Variants in APIP observed in about 807,000 individuals in gnomAD.
APIP encodes methylthioribulose-1-phosphate dehydratase.
In APIP, 32 loss-of-function variants were observed where a neutral mutation model predicts 32.0. The observed-to-expected ratio is 1.00, with a 90% confidence interval of 0.76 to 1.34. The LOEUF (loss-of-function observed/expected upper bound fraction) is 1.34. Ranked by LOEUF, APIP falls within the 40% of genes most tolerant of loss-of-function variation. The pLI is 0.00. For synonymous variants in APIP, 92 were observed against 94.8 expected (o/e 0.97, Z 0.17); for missense variants, 247 against 298.6 (o/e 0.83, Z 1.27).
At chr11:34,884,574 A>C (rs1457142043) in intron 5 of APIP, among the ~76,000 whole-genome samples, 2 of 152,078 alleles carry the variant, frequency 1.3e-5, no homozygotes, top group African/African-American at 2.4e-5. Flanking sequence ...AAAATACAAA[A>C]ATCAGCCAGG....
intron 1 of APIP, among the ~76,000 whole-genome samples, chr11:34,895,764 A>AG (rs1414912465): frequency 2.5e-4 from 38 of 152,182 alleles, no homozygotes; most frequent in Non-Finnish European, 2.2e-4. Flanking sequence ...AGACAGATAA[A>AG]TATCAAGTGT....
At chr11:34,898,667 C>G (rs1254764124) in intron 1 of APIP, among the ~76,000 whole-genome samples, 1 of 151,916 alleles carries the variant, frequency 6.6e-6, no homozygotes, top group East Asian at 1.9e-4. Flanking sequence ...TTTCCTCCCC[C>G]TCCTCCCCGC....
chr11:34,903,962 T>C (rs1428569136), intron 1 of APIP, among the ~76,000 whole-genome samples: 1 of 152,170 alleles, frequency 6.6e-6, no homozygotes, highest in Admixed American at 6.5e-5. Flanking sequence ...GGAGAGAACT[T>C]ACCAAAAACA....
At chr11:34,916,174 C>T (rs1019278252) in intron 1 of APIP, 54 bp downstream of exon 1, 3 of 1,576,964 alleles carry the variant, frequency 1.9e-6, no homozygotes, top group Non-Finnish European at 2.6e-6. Context: ...GCCGCCGGGT[C>T]CCGCCTGGGC....
At chr11:34,902,750 T>C (rs11500297) in intron 1 of APIP, among the ~76,000 whole-genome samples, 28,239 of 152,148 alleles carry the variant, frequency 0.19, 3,819 homozygotes, top group African/African-American at 0.39. Flanking sequence ...TTGCTCAAGG[T>C]GCCAGCCCTC....
At chr11:34,897,908 C>A (rs988329393) in intron 1 of APIP, among the ~76,000 whole-genome samples, 3 of 152,162 alleles carry the variant, frequency 2.0e-5, no homozygotes, top group African/African-American at 7.2e-5. Flanking sequence ...CCTCCAGCCT[C>A]CTAATAGAAC....
rs201312580 is a variant in APIP, at chr11:34,888,475, T to C, written c.326-47A>G. On this transcript the variant is annotated intron_variant, in intron 4 of 6. Transcript: ENST00000395787. ...CGCATGCTCAATGAAGACTGAATTA[T>C]AGCTTTTAAAGAAAAAAAGTCCATA... 136 of 1,582,136 alleles carry C rather than the reference T, an allele frequency of 8.6e-5. No individual in the cohort carries two copies. The East Asian group carries it at 2.2e-3, about 26-fold the overall frequency.
intron 1 of APIP, among the ~76,000 whole-genome samples, chr11:34,904,476 C>T (rs961845748): frequency 6.6e-6 from 1 of 152,186 alleles, no homozygotes; most frequent in Non-Finnish European, 1.5e-5. Flanking sequence ...ATAAGAAATA[C>T]CCCTTCAAAA....
intron 1 of APIP, among the ~76,000 whole-genome samples, chr11:34,908,497 C>T (rs1853491792): frequency 6.6e-6 from 1 of 152,182 alleles, no homozygotes; most frequent in Non-Finnish European, 1.5e-5. Context: ...CTTGAATGCC[C>T]CAGCTCTCTC....
rs1174841331 is a variant in APIP, at chr11:34,911,766, A to G, written c.57+4462T>C. On this transcript the variant is annotated intron_variant, in intron 1 of 6. Transcript: ENST00000395787. ...CTTCTTTTTGGTTTCCATCTGGCCAATCTAAAATGCCATATTCTCCATGAA... is the reference window on the plus strand; with the variant it reads ...CTTCTTTTTGGTTTCCATCTGGCCAGTCTAAAATGCCATATTCTCCATGAA... Among the ~76,000 whole-genome samples, 6 of 152,114 alleles carry G rather than the reference A, an allele frequency of 3.9e-5. No homozygotes were observed. In the East Asian group the frequency reaches 5.8e-4, roughly 15 times the overall value.
intron 5 of APIP, among the ~76,000 whole-genome samples, chr11:34,886,346 A>G (rs1044005971): frequency 1.3e-5 from 2 of 152,064 alleles, no homozygotes; most frequent in Non-Finnish European, 2.9e-5. Flanking sequence ...ATTAAAATAG[A>G]AAAAAGCTTA....
chr11:34,913,822 T>C (rs7121117), intron 1 of APIP, among the ~76,000 whole-genome samples: 2 of 151,992 alleles, frequency 1.3e-5, no homozygotes, highest in African/African-American at 4.8e-5. Flanking sequence ...AGAGCGCCGA[T>C]TGGTGCATTT....
intron 1 of APIP, among the ~76,000 whole-genome samples, chr11:34,897,913 T>C (rs1428244477): frequency 1.3e-5 from 2 of 152,128 alleles, no homozygotes; most frequent in African/African-American, 4.8e-5. Context: ...AGCCTCCTAA[T>C]AGAACCGACT....
rs762615901 is a variant in APIP at position 34,916,350 on chromosome 11, G to A, written c.-66C>T. On this transcript the variant is annotated 5_prime_UTR_variant, in exon 1 of 7. Coordinates refer to ENST00000395787, the MANE Select transcript of APIP (RefSeq NM_015957.4). The stretch of plus-strand genomic sequence containing the variant: ...GGCTTTGCGCGCGGCGCTTAGCCTG[G>A]GATACGGCAGCGAGGCCGCAAATGC... 4.2e-5 allele frequency: 67 copies of A among 1,590,596 alleles called. No homozygotes were observed. The African/African-American group carries it at 8.2e-4, about 19-fold the overall frequency.
At chr11:34,913,509 A>G (rs559721262) in intron 1 of APIP, among the ~76,000 whole-genome samples, 5 of 152,108 alleles carry the variant, frequency 3.3e-5, no homozygotes, top group Non-Finnish European at 5.9e-5. Context: ...GGTGGCACGC[A>G]GGTTGTTCGT....
intron 1 of APIP, among the ~76,000 whole-genome samples, chr11:34,905,315 T>C (rs1229700731): frequency 6.6e-6 from 1 of 152,196 alleles, no homozygotes. Flanking sequence ...AGACTAATTG[T>C]TGGGTCTGTC....
chr11:34,906,051 T>C (rs1467583360), intron 1 of APIP, among the ~76,000 whole-genome samples: 1 of 152,186 alleles, frequency 6.6e-6, no homozygotes, highest in East Asian at 1.9e-4. Flanking sequence ...GATATCCTTA[T>C]CCCAAGGATG....
intron 1 of APIP, among the ~76,000 whole-genome samples, chr11:34,906,325 T>A (rs1234241855): frequency 6.6e-6 from 1 of 152,218 alleles, no homozygotes; most frequent in Non-Finnish European, 1.5e-5. Context: ...TTCTAGAGAC[T>A]ACACTATCTT....
intron 1 of APIP, among the ~76,000 whole-genome samples, chr11:34,914,266 G>A (rs1200303423): frequency 6.6e-6 from 1 of 152,160 alleles, no homozygotes; most frequent in Admixed American, 6.5e-5. Context: ...TGTACAGCAT[G>A]TTCTAGGGGA....
Sources: gnomAD v4.1 joint callset for allele counts (sites outside exome capture counted in the v4.1 genomes callset) on GRCh38, gnomAD v4.1.1 for gene constraint, MANE v1.5 for transcripts, NCBI Gene and HGNC (gene_info 2026-07-23, HGNC 2026-07-21) for gene names.